The following ELK3 variants were observed in gnomAD, a reference collection of about 807,000 sequenced individuals.
ELK3 encodes ETS domain-containing protein Elk-3.
ELK3 carries 10 observed loss-of-function variants against 28.9 expected under a neutral mutation model. The observed-to-expected ratio is 0.35, with a 90% CI of 0.21 to 0.59. The LOEUF is 0.59. ELK3 is among the 20% of genes least tolerant of loss of function. The pLI is 0.82. For missense variants in ELK3, 463 were observed against 517.3 expected (o/e 0.90, Z 1.02); for synonymous variants, 272 against 243.5 (o/e 1.12, Z -1.09).
At chr12:96,223,034 A>G (rs2137014245) in intron 1 of ELK3, 1 of 180,528 alleles carries the variant, frequency 5.5e-6, no homozygotes, top group East Asian at 1.3e-4. Flanking sequence ...GGATGGTACC[A>G]AGGGAGATGG....
intron 3 of ELK3, among the ~76,000 whole-genome samples, chr12:96,252,348 A>AAGGAGTAATTT (rs564843886): frequency 0.01 from 1,537 of 152,326 alleles, 42 homozygotes; most frequent in Admixed American, 0.061. Flanking sequence ...CCCAGAAGTC[A>AAGGAGTAATTT]AGGAGTAATT....
chr12:96,268,137 A>C lies in ELK3; in HGVS notation c.*957A>C, dbSNP rs1368306316. ...ACTATAATTAACATTTAAAAAATCT[A>C]ATGCTTTAGAAGAAGCTCACAGAGT... is the stretch of plus-strand genomic sequence containing the variant. On this transcript the variant is annotated 3_prime_UTR_variant, in exon 5 of 5. Coordinates refer to ENST00000228741, the MANE Select transcript of ELK3 (RefSeq NM_005230.4). 3.9e-5 allele frequency: 6 copies of C among 152,248 alleles called. No homozygotes were observed. Among genetic ancestry groups the C allele is most frequent in the African/African-American group, 1.2e-4 (5 of 41,470 alleles). 9.4% of individuals were successfully genotyped at this position (152,248 alleles called of 1,614,324 possible). A position where few individuals can be genotyped will look rare whatever the true frequency, so the allele number is the denominator to read the frequency against.
chr12:96,242,354 T>C (rs942562738), intron 2 of ELK3, among the ~76,000 whole-genome samples: 1 of 152,212 alleles, frequency 6.6e-6, no homozygotes, highest in Non-Finnish European at 1.5e-5. Flanking sequence ...AGCTTGCTTA[T>C]CTCCAAAATG....
chr12:96,237,764 C>T (rs1361331356), intron 2 of ELK3, among the ~76,000 whole-genome samples: 1 of 152,240 alleles, frequency 6.6e-6, no homozygotes, highest in Non-Finnish European at 1.5e-5. Context: ...TGCATTCCAG[C>T]CTGGGCAATG....
At chr12:96,235,521 G>T (rs953936208) in intron 2 of ELK3, among the ~76,000 whole-genome samples, 2 of 152,184 alleles carry the variant, frequency 1.3e-5, no homozygotes, top group Non-Finnish European at 2.9e-5. Flanking sequence ...ACAGAAGGGA[G>T]TCTGTCACCT....
intron 4 of ELK3, among the ~76,000 whole-genome samples, chr12:96,265,895 A>G (rs1952025745): frequency 6.6e-6 from 1 of 152,232 alleles, no homozygotes; most frequent in Non-Finnish European, 1.5e-5. Context: ...GAATATGCCA[A>G]TAATCATTAA....
chr12:96,249,489 G>A (rs746671539), intron 3 of ELK3, among the ~76,000 whole-genome samples: 40 of 152,304 alleles, frequency 2.6e-4, no homozygotes, highest in Middle Eastern at 3.4e-3. Flanking sequence ...GTGACCAAGG[G>A]CTGCTGAGCA....
intron 2 of ELK3, among the ~76,000 whole-genome samples, chr12:96,232,800 G>T (rs1275202794): frequency 1.3e-5 from 2 of 150,332 alleles, no homozygotes; most frequent in African/African-American, 4.9e-5. Context: ...AATAACAGAT[G>T]AGCAAAAATG....
At chr12:96,210,593 A>ACCC (rs1285921919) in intron 1 of ELK3, among the ~76,000 whole-genome samples, 4 of 148,972 alleles carry the variant, frequency 2.7e-5, no homozygotes, top group Non-Finnish European at 6.0e-5. Context: ...ACACACACAC[A>ACCC]CACACCCCGA....
chr12:96,219,606 C>A (rs992565310), intron 1 of ELK3, among the ~76,000 whole-genome samples: 1 of 152,070 alleles, frequency 6.6e-6, no homozygotes, highest in Non-Finnish European at 1.5e-5. Context: ...CCCACCTGTC[C>A]CCCTACCCAA....
chr12:96,260,063 G>A (rs1039610202), intron 4 of ELK3, among the ~76,000 whole-genome samples: 3 of 152,124 alleles, frequency 2.0e-5, no homozygotes, highest in South Asian at 2.1e-4. Flanking sequence ...ACACCCATAC[G>A]TGGAACAATT....
intron 2 of ELK3, chr12:96,224,108 G>A (rs905682177): frequency 1.1e-5 from 3 of 264,040 alleles, no homozygotes; most frequent in Non-Finnish European, 1.5e-5. Flanking sequence ...GTTAAAATCC[G>A]GAAAGTCTGT....
chr12:96,228,007 G>A (rs554866345), intron 2 of ELK3, among the ~76,000 whole-genome samples: 1 of 152,124 alleles, frequency 6.6e-6, no homozygotes, highest in Non-Finnish European at 1.5e-5. Context: ...ATTGCAGACA[G>A]TGCAAAGAAG....
Position 96,257,623 on chromosome 12 carries a change from A to G in ELK3, c.1003-2108A>G, listed in dbSNP as rs1036452424. ...TTTAAAGCTTTGAGAGCCTTCATTG[A>G]TGGATAAACTAGGAGGCCTTGAACA... On this transcript the variant is annotated intron_variant, in intron 3 of 4. Coordinates refer to ENST00000228741, the MANE Select transcript of ELK3 (RefSeq NM_005230.4). Among the ~76,000 whole-genome samples, 4 of 152,338 alleles carry G rather than the reference A, an allele frequency of 2.6e-5. No individual in the cohort carries two copies. The East Asian group carries it at 7.7e-4, about 29-fold the overall frequency.
chr12:96,265,405 G>C (rs1952022316), intron 4 of ELK3, among the ~76,000 whole-genome samples: 1 of 152,204 alleles, frequency 6.6e-6, no homozygotes, highest in Non-Finnish European at 1.5e-5. Flanking sequence ...GAAAATGCAG[G>C]CTGGGCACAG....
chr12:96,225,212 A>G (rs1303983640), intron 2 of ELK3, among the ~76,000 whole-genome samples: 2 of 152,246 alleles, frequency 1.3e-5, no homozygotes, highest in African/African-American at 4.8e-5. Context: ...CAGAGTGCCT[A>G]AAAGCTGGGC....
intron 2 of ELK3, among the ~76,000 whole-genome samples, chr12:96,231,143 C>T (rs937862388): frequency 1.3e-5 from 2 of 152,178 alleles, no homozygotes; most frequent in African/African-American, 4.8e-5. Context: ...CAGCTTTTTC[C>T]CTTGGTCTTG....
chr12:96,268,207 A>G lies in ELK3; in HGVS notation c.*1027A>G, dbSNP rs1952055713. On this transcript the variant is annotated 3_prime_UTR_variant, in exon 5 of 5. Coordinates refer to ENST00000228741, the MANE Select transcript of ELK3 (RefSeq NM_005230.4). ...AAAGAAACCATTTTTAACACTAGGT[A>G]TCTTCATCAGTATAGGTAGGTGTTC... The G allele has an allele frequency of 6.6e-6, 1 of 152,268 alleles. No homozygotes were observed. The allele number at this position is 152,268 out of a possible 1,614,324, so 9.4% of individuals were successfully genotyped here. A position where few individuals can be genotyped will look rare whatever the true frequency, so the allele number is the denominator to read the frequency against.
At chr12:96,244,989 G>A (rs990447269) in intron 2 of ELK3, among the ~76,000 whole-genome samples, 1 of 152,130 alleles carries the variant, frequency 6.6e-6, no homozygotes, top group Non-Finnish European at 1.5e-5. Flanking sequence ...GACCCCGCGG[G>A]TTAAGTTGCA....
Sources: allele counts gnomAD v4.1 joint callset (sites outside exome capture counted in the v4.1 genomes callset), GRCh38; gene constraint gnomAD v4.1.1; transcripts MANE v1.5; gene names NCBI Gene and HGNC (gene_info 2026-07-23, HGNC 2026-07-21).